LCN8: variants seen among roughly 807,000 people sequenced by gnomAD.
The protein encoded by LCN8 is lipocalin 8.
In LCN8, 16 loss-of-function variants were observed where a neutral mutation model predicts 22.8. The ratio of observed to expected loss-of-function variants is 0.70; its 90% CI spans 0.47 to 1.06. The LOEUF (loss-of-function observed/expected upper bound fraction) is 1.06, where lower values mean the gene tolerates loss of function less well. LCN8 is among the 50% of genes least tolerant of loss of function. The pLI is 0.00. For synonymous variants in LCN8, 92 were observed against 83.4 expected (o/e 1.10, Z -0.56); for missense variants, 189 against 203.3 (o/e 0.93, Z 0.43).
In LCN8 at chr9:136,758,230, C is replaced by G. The variant is rs193185846; in HGVS notation, c.-300G>C. ...CCCAGCCACCCTCCTGGCATATGGA[C>G]AGCGGTGGACGCTGCTGGGGCCGTC... On this transcript the variant is annotated 5_prime_UTR_variant, in exon 1 of 7. Coordinates refer to ENST00000371688, the MANE Select transcript of LCN8 (RefSeq NM_178469.4). 2 of 1,326,158 alleles carry G rather than the reference C, an allele frequency of 1.5e-6. No homozygotes were observed. Among genetic ancestry groups the G allele is most frequent in the Non-Finnish European group, 1.9e-6 (2 of 1,034,202 alleles). The allele number at this position is 1,326,158 out of a possible 1,614,324, so 82.1% of individuals were successfully genotyped here.
rs780017420 is a variant in LCN8 at position 136,755,497 on chromosome 9, C to T, written c.246G>A (p.Val82=). 1 of 1,612,652 alleles carries T rather than the reference C, an allele frequency of 6.2e-7. No homozygotes were observed. Residue 82 remains valine (V), a synonymous_variant, in exon 4 of 7, where the codon GTG becomes GTA. Transcript: ENST00000371688. ...FAFPGHREIH[V]LDTDYEGYAI... ...CGTAGCCCTCGTAGTCGGTGTCCAG[C>T]ACGTGGATCTCTCTGTGGCCTTCAA...
rs182709312 is a variant in LCN8, at chr9:136,757,531, G to C, written c.25-363C>G. Reference sequence around the variant, plus strand: ...CTGGAAAAGAAAGCCCGCAGGGCGCGGCGGAGTGAGAAACGCCAGAGAACA... The same window carrying C: ...CTGGAAAAGAAAGCCCGCAGGGCGCCGCGGAGTGAGAAACGCCAGAGAACA... On this transcript the variant is annotated intron_variant, in intron 1 of 6. Transcript: ENST00000371688. 2.2e-6 allele frequency: 3 copies of C among 1,362,340 alleles called. No homozygotes were observed. The African/African-American group carries it at 4.4e-5, about 20-fold the overall frequency. 84.4% of individuals were successfully genotyped at this position (1,362,340 alleles called of 1,614,324 possible).
At chr9:136,758,263 C>G, upstream of LCN8, 1 of 1,238,820 alleles carries the variant, frequency 8.1e-7, no homozygotes. Flanking sequence ...GTCTCGGAGC[C>G]TGAGAGGAAG....
In LCN8 at chr9:136,757,999, T is replaced by C; in HGVS notation, c.-69A>G. 1 of 1,595,820 alleles carries C rather than the reference T, an allele frequency of 6.3e-7. No homozygotes were observed. The highest frequency in any genetic ancestry group is 1.1e-5 in the South Asian group (1 of 89,306). ...ATGGTGCACGGCAGCCTGGCCTCCGTGGCGGGGTCCGGGCTCCGGGTTCCC... is the reference window on the plus strand; with the variant it reads ...ATGGTGCACGGCAGCCTGGCCTCCGCGGCGGGGTCCGGGCTCCGGGTTCCC... On this transcript the variant is annotated 5_prime_UTR_variant, in exon 1 of 7. Transcript: ENST00000371688.
Position 136,758,215 on chromosome 9 carries a change from C to T in LCN8, c.-285G>A. The T allele has an allele frequency of 7.2e-7, 1 of 1,379,928 alleles. No individual in the cohort carries two copies. Among genetic ancestry groups the T allele is most frequent in the Non-Finnish European group, 9.4e-7 (1 of 1,065,742 alleles). 85.5% of individuals were successfully genotyped at this position (1,379,928 alleles called of 1,614,324 possible). ...CTAGACAGCAGCCTGCCCAGCCACC[C>T]TCCTGGCATATGGACAGCGGTGGAC... On this transcript the variant is annotated 5_prime_UTR_variant, in exon 1 of 7. Coordinates refer to ENST00000371688, the MANE Select transcript of LCN8 (RefSeq NM_178469.4).
intron 4 of LCN8, 23 bp from the exon 5 acceptor site, chr9:136,755,356 G>A: frequency 6.2e-7 from 1 of 1,610,016 alleles, no homozygotes; most frequent in Non-Finnish European, 8.5e-7. Context: ...GGGGGGCTGG[G>A]CGGGCAGTCC....
chr9:136,758,200 G>C lies in LCN8; in HGVS notation c.-270C>G. On this transcript the variant is annotated 5_prime_UTR_variant, in exon 1 of 7. Coordinates refer to ENST00000371688, the MANE Select transcript of LCN8 (RefSeq NM_178469.4). ...AGGGGTTAGCCTGGCCTAGACAGCA[G>C]CCTGCCCAGCCACCCTCCTGGCATA... 2.9e-6 allele frequency: 4 copies of C among 1,382,530 alleles called. No homozygotes were observed. The highest frequency in any genetic ancestry group is 3.7e-6 in the Non-Finnish European group (4 of 1,067,336). 85.6% of individuals were successfully genotyped at this position (1,382,530 alleles called of 1,614,324 possible).
At chr9:136,757,205 T>G (rs1262506180) in intron 1 of LCN8, 37 bp from the exon 2 acceptor site, 1 of 1,600,510 alleles carries the variant, frequency 6.2e-7, no homozygotes, top group Admixed American at 1.7e-5. Flanking sequence ...AGCTGAGCAG[T>G]GGGTCTGAGA....
At chr9:136,756,163 C>T (rs1847190006) in intron 3 of LCN8, 2 of 912,248 alleles carry the variant, frequency 2.2e-6, no homozygotes, top group Admixed American at 7.9e-5. Flanking sequence ...CAGGGAACAG[C>T]ATGAGGAACA....
Position 136,754,412 on chromosome 9 carries a change from G to A in LCN8, c.*86C>T. 1 of 1,538,518 alleles carries A rather than the reference G, an allele frequency of 6.5e-7. No homozygotes were observed. Among genetic ancestry groups the A allele is most frequent in the Non-Finnish European group, 8.7e-7 (1 of 1,143,006 alleles). ...TGACTTCACAGTTTATTCAGAGCAG[G>A]TGCAGGTGACCTGGTGGGCAGGGTG... On this transcript the variant is annotated 3_prime_UTR_variant, in exon 7 of 7. Transcript: ENST00000371688.
intron 1 of LCN8, 34 bp downstream of exon 1, chr9:136,757,873 G>C: frequency 6.2e-7 from 1 of 1,613,706 alleles, no homozygotes; most frequent in Non-Finnish European, 8.5e-7. Context: ...TGGGGGTGTA[G>C]GAGGAGCCCC....
rs4419903 is a variant in LCN8 at position 136,758,223 on chromosome 9, A to T, written c.-293T>A. ...CAGCCTGCCCAGCCACCCTCCTGGC[A>T]TATGGACAGCGGTGGACGCTGCTGG... On this transcript the variant is annotated 5_prime_UTR_variant, in exon 1 of 7. It removes an upstream start codon present in the reference 5' UTR. Transcript: ENST00000371688. The T allele has an allele frequency of 7.3e-7, 1 of 1,364,896 alleles. No individual in the cohort carries two copies. The highest frequency in any genetic ancestry group is 2.7e-5 in the East Asian group (1 of 36,978). The allele number at this position is 1,364,896 out of a possible 1,614,324, so 84.5% of individuals were successfully genotyped here.
chr9:136,755,351 G>C lies in LCN8; in HGVS notation c.332-18C>G, dbSNP rs745846838. ...GCTCCGAGCTGTGGGGCACAGGGGG[G>C]CTGGGCGGGCAGTCCCTGGGAGAGC... On this transcript the variant is annotated intron_variant, in intron 4 of 6. Coordinates refer to ENST00000371688, the MANE Select transcript of LCN8 (RefSeq NM_178469.4). 3.1e-6 allele frequency: 5 copies of C among 1,609,722 alleles called. No homozygotes were observed. The highest frequency in any genetic ancestry group is 4.2e-6 in the Non-Finnish European group (5 of 1,179,876).
chr9:136,755,721 C>A, intron 3 of LCN8: 1 of 1,519,052 alleles, frequency 6.6e-7, no homozygotes, highest in Non-Finnish European at 8.8e-7. Flanking sequence ...CAGGGAACAG[C>A]ATGGGGAACA....
At position 136,755,303 on chromosome 9, in the gene LCN8, C is replaced by G; in HGVS notation, c.362G>C (p.Gly121Ala). Residue 121 changes from glycine to alanine, a missense_variant, in exon 5 of 7, where the codon GGG becomes GCG. Coordinates refer to ENST00000371688, the MANE Select transcript of LCN8 (RefSeq NM_178469.4). The part of the protein sequence containing the change: ...TRSLEDKDRL[G>A]FWKFRELTAD... Reference sequence around the variant, plus strand: ...TGTCAGCTCCCGAAACTTCCAGAACCCCAGCCGGTCCTTGTCCTCAAGGCT... The same window carrying G: ...TGTCAGCTCCCGAAACTTCCAGAACGCCAGCCGGTCCTTGTCCTCAAGGCT... The G allele has an allele frequency of 2.5e-6, 4 of 1,610,682 alleles. No individual in the cohort carries two copies. Among genetic ancestry groups the G allele is most frequent in the African/African-American group, 1.3e-5 (1 of 75,070 alleles).
upstream of LCN8, chr9:136,758,488 G>A: frequency 1.0e-6 from 1 of 992,160 alleles, no homozygotes; most frequent in Non-Finnish European, 1.2e-6. Context: ...CGGAGGCACA[G>A]CGCCAGCGAC....
At chr9:136,756,901 A>T in intron 2 of LCN8, 137 bp downstream of exon 2, 1 of 1,032,760 alleles carries the variant, frequency 9.7e-7, no homozygotes, top group Non-Finnish European at 1.4e-6. Context: ...GGGCTCAGGC[A>T]GACGGGCACC....
intron 3 of LCN8, chr9:136,756,140 A>T: frequency 1.2e-5 from 11 of 891,416 alleles, no homozygotes; most frequent in Non-Finnish European, 1.6e-5. Context: ...AGGGAACAGC[A>T]TGTGGAACAG....
In LCN8 at chr9:136,755,268, C is replaced by T; in HGVS notation, c.397G>A (p.Gly133Ser). 1 of 1,612,380 alleles carries T rather than the reference C, an allele frequency of 6.2e-7. No individual in the cohort carries two copies. ...CCAGGCCGGGCCGCCAGGTAGAGACCAGTGTCTGCTGTCAGCTCCCGAAAC... is the reference window on the plus strand; with the variant it reads ...CCAGGCCGGGCCGCCAGGTAGAGACTAGTGTCTGCTGTCAGCTCCCGAAAC... ...WKFRELTADTGLYLAARPGRC... is the reference protein window; with the variant it reads ...WKFRELTADTSLYLAARPGRC... Residue 133 changes from glycine to serine, a missense_variant, in exon 5 of 7, where the codon GGT (glycine) becomes AGT (serine). Transcript: ENST00000371688.
Sources: gnomAD v4.1 joint callset for allele counts on GRCh38, gnomAD v4.1.1 for gene constraint, MANE v1.5 for transcripts, NCBI Gene and HGNC (gene_info 2026-07-23, HGNC 2026-07-21) for gene names.